HOMER1: variants seen among roughly 807,000 people sequenced by gnomAD.
HOMER1 encodes homer protein homolog 1.
HOMER1 carries 3 observed loss-of-function variants against 48.9 expected under a neutral mutation model. The ratio of observed to expected loss-of-function variants is 0.06; its 90% confidence interval spans 0.03 to 0.16. The LOEUF (loss-of-function observed/expected upper bound fraction) is 0.16, where lower values mean the gene tolerates loss of function less well. Ranked by LOEUF, HOMER1 falls within the 10% of genes least tolerant of loss-of-function variation. The pLI is 1.00. For missense variants in HOMER1, 247 were observed against 411.4 expected (o/e 0.60, Z 3.46); for synonymous variants, 134 against 146.4 (o/e 0.92, Z 0.61).
chr5:79,441,511 C>A (rs918514516), intron 4 of HOMER1, among the ~76,000 whole-genome samples: 1 of 152,056 alleles, frequency 6.6e-6, no homozygotes, highest in Non-Finnish European at 1.5e-5. Context: ...ATTCCAACAT[C>A]TCAAAGCAGC....
intron 2 of HOMER1, among the ~76,000 whole-genome samples, chr5:79,456,190 G>T (rs759970531): frequency 1.3e-5 from 2 of 151,458 alleles, no homozygotes; most frequent in African/African-American, 2.4e-5. Context: ...TCTTCTGAAG[G>T]GCACACTGTC....
intron 5 of HOMER1, among the ~76,000 whole-genome samples, chr5:79,423,531 T>C (rs1211490544): frequency 1.3e-5 from 2 of 152,180 alleles, no homozygotes; most frequent in African/African-American, 4.8e-5. Context: ...TGCAAAAGCA[T>C]AGGACACTAC....
chr5:79,507,228 A>G (rs1162173368), intron 1 of HOMER1, among the ~76,000 whole-genome samples: 1 of 151,202 alleles, frequency 6.6e-6, no homozygotes, highest in African/African-American at 2.4e-5. Context: ...AAAAAAAAAA[A>G]AAAAAAACCA....
intron 1 of HOMER1, among the ~76,000 whole-genome samples, chr5:79,488,591 C>G (rs1752184251): frequency 6.6e-6 from 1 of 152,190 alleles, no homozygotes; most frequent in Admixed American, 6.5e-5. Flanking sequence ...CTGACCATAC[C>G]AAAATGCTGT....
intron 1 of HOMER1, among the ~76,000 whole-genome samples, chr5:79,507,577 CA>C (rs1752814480): frequency 6.6e-6 from 1 of 151,952 alleles, no homozygotes; most frequent in Non-Finnish European, 1.5e-5. Context: ...AAAACTACAT[CA>C]GAAAAAAATT....
intron 8 of HOMER1, 45 bp downstream of exon 8, chr5:79,396,778 T>C (rs781398558): frequency 5.4e-6 from 6 of 1,114,126 alleles, no homozygotes; most frequent in Non-Finnish European, 8.0e-6. Context: ...GAAAAAATGA[T>C]GCCTTTCTAT....
At chr5:79,441,577 T>A (rs1209152098) in intron 4 of HOMER1, among the ~76,000 whole-genome samples, 1 of 152,178 alleles carries the variant, frequency 6.6e-6, no homozygotes, top group Non-Finnish European at 1.5e-5. Context: ...GGCATAGTTA[T>A]CCTAGGTCAT....
chr5:79,476,736 C>T (rs747402640), intron 1 of HOMER1, among the ~76,000 whole-genome samples: 33 of 152,232 alleles, frequency 2.2e-4, no homozygotes, highest in South Asian at 4.1e-4. Flanking sequence ...AACCTCCACA[C>T]ACATTTAGCT....
intron 1 of HOMER1, among the ~76,000 whole-genome samples, chr5:79,464,429 A>G (rs1751398050): frequency 6.6e-6 from 1 of 152,250 alleles, no homozygotes; most frequent in South Asian, 2.1e-4. Context: ...GGCCAAAATG[A>G]GAATGACAAG....
intron 8 of HOMER1, among the ~76,000 whole-genome samples, chr5:79,391,446 T>A (rs78519563): frequency 2.5e-4 from 38 of 150,850 alleles, no homozygotes; most frequent in African/African-American, 9.1e-4. Flanking sequence ...TTTTTTTTTT[T>A]ATGTATGAAA....
chr5:79,444,331 G>A (rs186824560), intron 4 of HOMER1, among the ~76,000 whole-genome samples: 4 of 152,318 alleles, frequency 2.6e-5, no homozygotes, highest in East Asian at 1.9e-4. Context: ...AGCCTCATGA[G>A]TAGCTGGGAC....
chr5:79,382,967 T>C (rs952441334), intron 8 of HOMER1, among the ~76,000 whole-genome samples: 1 of 152,222 alleles, frequency 6.6e-6, no homozygotes, highest in Non-Finnish European at 1.5e-5. Context: ...TATGACCAAC[T>C]GTATGCTGCT....
intron 1 of HOMER1, among the ~76,000 whole-genome samples, chr5:79,492,932 TTTTA>T (rs1350478626): frequency 6.1e-5 from 8 of 130,144 alleles, no homozygotes; most frequent in African/African-American, 7.1e-5. Context: ...TTTTTTTTTT[TTTTA>T]AAGACAGAGT....
intron 5 of HOMER1, among the ~76,000 whole-genome samples, chr5:79,437,539 C>T (rs1326046685): frequency 2.0e-5 from 3 of 152,090 alleles, no homozygotes; most frequent in South Asian, 2.1e-4. Context: ...ATCGTTATAC[C>T]ACAACAATAA....
intron 5 of HOMER1, among the ~76,000 whole-genome samples, chr5:79,423,285 A>C (rs1687246828): frequency 6.6e-6 from 1 of 152,144 alleles, no homozygotes; most frequent in African/African-American, 2.4e-5. Context: ...ATCCATCCCC[A>C]AGTATAGAAG....
rs78530284 is a variant in HOMER1 at position 79,501,577 on chromosome 5, T to C, written c.5+11193A>G. Among the ~76,000 whole-genome samples the C allele has an allele frequency of 0.02, 3,022 of 152,314 alleles. 136 individuals are homozygous for C. The East Asian group carries it at 0.2, about 10-fold the overall frequency. On this transcript the variant is annotated intron_variant, in intron 1 of 8. Coordinates refer to ENST00000334082, the MANE Select transcript of HOMER1 (RefSeq NM_004272.5). ...AGTACCATCTGTAAGGAAAACAAGA[T>C]ACATTTAATGAACTCACCTATAAGA...
At chr5:79,459,181 T>C (rs1310985113) in intron 1 of HOMER1, among the ~76,000 whole-genome samples, 1 of 152,036 alleles carries the variant, frequency 6.6e-6, no homozygotes, top group Non-Finnish European at 1.5e-5. Context: ...ATTATAAGAA[T>C]GTGTTCTAAT....
intron 5 of HOMER1, among the ~76,000 whole-genome samples, chr5:79,430,789 T>C (rs1750400118): frequency 6.6e-6 from 1 of 151,716 alleles, no homozygotes; most frequent in Non-Finnish European, 1.5e-5. Flanking sequence ...ATACAAAAAT[T>C]AGCTGAGCAT....
intron 5 of HOMER1, among the ~76,000 whole-genome samples, chr5:79,434,058 A>G (rs754250097): frequency 2.6e-5 from 4 of 152,168 alleles, no homozygotes; most frequent in Non-Finnish European, 4.4e-5. Context: ...AGTGTTTAAA[A>G]GAGCCCATTT....
Sources: gnomAD v4.1 joint callset for allele counts (sites outside exome capture counted in the v4.1 genomes callset) on GRCh38, gnomAD v4.1.1 for gene constraint, MANE v1.5 for transcripts, NCBI Gene and HGNC (gene_info 2026-07-23, HGNC 2026-07-21) for gene names.